AFF3: variants seen among roughly 807,000 people sequenced by gnomAD.
AFF3 encodes ALF transcription elongation factor 3.
In AFF3, 32 loss-of-function variants were observed where a neutral mutation model predicts 129.7. That is an observed-to-expected ratio of 0.25 (90% CI 0.19 to 0.33). The LOEUF (loss-of-function observed/expected upper bound fraction) is 0.33, where lower values mean the gene tolerates loss of function less well. Among genes scored for constraint, AFF3 ranks in the 10% least tolerant of loss-of-function variants. The pLI, the probability that AFF3 is intolerant of heterozygous loss-of-function variation, is 1.00. For missense variants in AFF3, 1,373 were observed against 1,592.0 expected (o/e 0.86, Z 2.34); for synonymous variants, 644 against 635.4 (o/e 1.01, Z -0.20).
At chr2:100,098,335 T>G (rs1690437861) in intron 4 of AFF3, among the ~76,000 whole-genome samples, 1 of 152,210 alleles carries the variant, frequency 6.6e-6, no homozygotes, top group African/African-American at 2.4e-5. Context: ...AATCGTCTTT[T>G]ATGGGGCCTC....
chr2:99,562,680 G>A lies in AFF3; in HGVS notation c.3120-2244C>T, dbSNP rs549152169. Among the ~76,000 whole-genome samples the A allele has an allele frequency of 1.2e-4, 18 of 152,276 alleles. No individual in the cohort carries two copies. The Middle Eastern group carries it at 0.01, about 86-fold the overall frequency. On this transcript the variant is annotated intron_variant, in intron 20 of 24. Coordinates refer to ENST00000672756, the MANE Select transcript of AFF3 (RefSeq NM_001386135.1). ...ATCTTTTTTCATGCCAGTGGTGACTGTCCTAGTTCTTGGTATGATGAGTGA... is the reference window on the plus strand; with the variant it reads ...ATCTTTTTTCATGCCAGTGGTGACTATCCTAGTTCTTGGTATGATGAGTGA...
chr2:99,713,756 T>A (rs1678127626), intron 11 of AFF3, among the ~76,000 whole-genome samples: 1 of 151,320 alleles, frequency 6.6e-6, no homozygotes. Context: ...AGAGTGGCAA[T>A]GGTGTGACCT....
intron 1 of AFF3, among the ~76,000 whole-genome samples, chr2:100,141,903 C>A (rs1210665000): frequency 6.6e-6 from 1 of 151,932 alleles, no homozygotes; most frequent in Non-Finnish European, 1.5e-5. Context: ...TACAATGTTC[C>A]ATCCAAGAAA....
At chr2:99,607,424 C>T (rs534249986) in intron 13 of AFF3, among the ~76,000 whole-genome samples, 3 of 151,314 alleles carry the variant, frequency 2.0e-5, no homozygotes, top group Admixed American at 1.3e-4. Flanking sequence ...CCCAGCAACT[C>T]GGGAGGCTGA....
intron 11 of AFF3, among the ~76,000 whole-genome samples, chr2:99,673,061 T>C (rs1687307633): frequency 1.3e-5 from 2 of 152,208 alleles, no homozygotes; most frequent in East Asian, 1.9e-4. Flanking sequence ...TTTTTTTTTT[T>C]TCTCTCAAAT....
At chr2:99,912,252 C>A (rs897660990) in intron 7 of AFF3, among the ~76,000 whole-genome samples, 1 of 152,088 alleles carries the variant, frequency 6.6e-6, no homozygotes, top group African/African-American at 2.4e-5. Flanking sequence ...TTGACCCATG[C>A]GAAAATATTT....
chr2:99,930,679 T>C (rs967873399), intron 7 of AFF3, among the ~76,000 whole-genome samples: 7 of 152,186 alleles, frequency 4.6e-5, no homozygotes, highest in Admixed American at 1.3e-4. Flanking sequence ...TGAAGATTGG[T>C]ACCTGCTATG....
intron 4 of AFF3, among the ~76,000 whole-genome samples, chr2:100,060,310 T>C (rs1687165814): frequency 6.6e-6 from 1 of 152,228 alleles, no homozygotes. Flanking sequence ...AGGGTGATCA[T>C]CTTACAGGAA....
chr2:100,073,755 G>A (rs541034541), intron 4 of AFF3, among the ~76,000 whole-genome samples: 4 of 152,182 alleles, frequency 2.6e-5, no homozygotes, highest in African/African-American at 9.6e-5. Context: ...TGCTGTCAAG[G>A]GCTTTTCAGA....
chr2:99,799,584 C>A (rs1685785843), intron 8 of AFF3, among the ~76,000 whole-genome samples: 1 of 151,940 alleles, frequency 6.6e-6, no homozygotes, highest in African/African-American at 2.4e-5. Flanking sequence ...TAATAAAAAT[C>A]CTAATAGGCT....
chr2:100,000,421 G>T (rs1204998876), intron 7 of AFF3, among the ~76,000 whole-genome samples: 1 of 152,122 alleles, frequency 6.6e-6, no homozygotes, highest in Non-Finnish European at 1.5e-5. Context: ...CAGGATTTGT[G>T]ATATTAATCC....
At chr2:99,666,315 G>A (rs1189257372) in intron 12 of AFF3, among the ~76,000 whole-genome samples, 1 of 152,124 alleles carries the variant, frequency 6.6e-6, no homozygotes, top group Non-Finnish European at 1.5e-5. Flanking sequence ...GGATATTAAG[G>A]GAGAAAGCAT....
chr2:99,850,498 G>A (rs1375139433), intron 7 of AFF3, among the ~76,000 whole-genome samples: 1 of 152,134 alleles, frequency 6.6e-6, no homozygotes, highest in Non-Finnish European at 1.5e-5. Flanking sequence ...TTGAACTAAT[G>A]GGGGAAAGTC....
chr2:99,831,435 G>T (rs1338876052), intron 8 of AFF3, among the ~76,000 whole-genome samples: 2 of 152,106 alleles, frequency 1.3e-5, no homozygotes, highest in Non-Finnish European at 2.9e-5. Flanking sequence ...CAGGTTAGCT[G>T]GCTAGTACTG....
chr2:99,968,881 T>C (rs1231043580), intron 7 of AFF3, among the ~76,000 whole-genome samples: 1 of 152,200 alleles, frequency 6.6e-6, no homozygotes, highest in Non-Finnish European at 1.5e-5. Context: ...TGAAGAGACA[T>C]CTTCTTCATC....
intron 11 of AFF3, among the ~76,000 whole-genome samples, chr2:99,692,095 G>A (rs543427481): frequency 1.2e-3 from 181 of 152,320 alleles, no homozygotes; most frequent in Admixed American, 2.9e-3. Flanking sequence ...CGTGGGTGTG[G>A]CGAGGTCAGA....
chr2:99,928,719 C>T (rs960950468), intron 7 of AFF3, among the ~76,000 whole-genome samples: 1 of 152,200 alleles, frequency 6.6e-6, no homozygotes, highest in African/African-American at 2.4e-5. Flanking sequence ...ATGCAGCCTC[C>T]GGAGGCCGGT....
intron 1 of AFF3, among the ~76,000 whole-genome samples, chr2:100,141,847 T>G (rs535963292): frequency 3.3e-5 from 5 of 152,312 alleles, no homozygotes; most frequent in South Asian, 4.1e-4. Flanking sequence ...AAATACATGA[T>G]GTGTTTATGC....
At position 100,084,026 on chromosome 2, in the gene AFF3, C is replaced by T. The variant is rs191880028; in HGVS notation, c.53+20376G>A. On this transcript the variant is annotated intron_variant, in intron 4 of 24. Coordinates refer to ENST00000672756, the MANE Select transcript of AFF3 (RefSeq NM_001386135.1). ...GCCCACAGTGCCATTAGCTATTCCACGTGACCACACCAATCTTTTTGACCA... is the reference window on the plus strand; with the variant it reads ...GCCCACAGTGCCATTAGCTATTCCATGTGACCACACCAATCTTTTTGACCA... 1.5e-3 allele frequency among the ~76,000 whole-genome samples: 225 copies of T among 152,354 alleles called. 1 individual carries two copies. The highest frequency in any genetic ancestry group is 4.9e-3 in the African/African-American group (205 of 41,566).
Sources: gnomAD v4.1 joint callset for allele counts (sites outside exome capture counted in the v4.1 genomes callset) on GRCh38, gnomAD v4.1.1 for gene constraint, MANE v1.5 for transcripts, NCBI Gene and HGNC (gene_info 2026-07-23, HGNC 2026-07-21) for gene names.